Variants in IFT80 observed in about 807,000 individuals in gnomAD.
IFT80 encodes the protein intraflagellar transport protein 80 homolog.
In IFT80, 79 loss-of-function variants were observed where a neutral mutation model predicts 107.9. The observed-to-expected ratio is 0.73, with a 90% CI of 0.61 to 0.88. The LOEUF (loss-of-function observed/expected upper bound fraction) is 0.88. Among genes scored for constraint, IFT80 ranks in the 40% least tolerant of loss-of-function variants. The pLI is 0.00. For missense variants in IFT80, 797 were observed against 914.2 expected (o/e 0.87, Z 1.65); for synonymous variants, 299 against 300.9 (o/e 0.99, Z 0.07).
At chr3:160,315,157 G>C (rs1399382708) in intron 9 of IFT80, among the ~76,000 whole-genome samples, 2 of 151,244 alleles carry the variant, frequency 1.3e-5, no homozygotes, top group African/African-American at 4.9e-5. Context: ...GTTTAGATTA[G>C]AGCTCACTGA....
At position 160,257,666 on chromosome 3, in the gene IFT80, C is replaced by A. The variant is rs1712468480; in HGVS notation, c.*859G>T. 3 of 152,142 alleles carry A rather than the reference C, an allele frequency of 2.0e-5. No individual in the cohort carries two copies. The highest frequency in any genetic ancestry group is 4.1e-4 in the South Asian group (2 of 4,828). 9.4% of individuals were successfully genotyped at this position (152,142 alleles called of 1,614,324 possible). A position where few individuals can be genotyped will look rare whatever the true frequency, so the allele number is the denominator to read the frequency against. ...GGTACAATTTAGTGGCATTAACATT[C>A]AAAATGTTGAGCAACCATCATCGCT... On this transcript the variant is annotated 3_prime_UTR_variant, in exon 20 of 20. Coordinates refer to ENST00000326448, the MANE Select transcript of IFT80 (RefSeq NM_020800.3).
chr3:160,352,505 T>A (rs1399753662), intron 8 of IFT80, among the ~76,000 whole-genome samples: 1 of 152,180 alleles, frequency 6.6e-6, no homozygotes, highest in East Asian at 1.9e-4. Context: ...ATATCAAGCA[T>A]CTCACTAAGT....
intron 10 of IFT80, among the ~76,000 whole-genome samples, chr3:160,307,263 C>A (rs79268867): frequency 0.035 from 5,337 of 152,174 alleles, 330 homozygotes; most frequent in African/African-American, 0.12. Context: ...TCCTCTAGTA[C>A]CAGCCTCCTG....
Position 160,322,909 on chromosome 3 carries a change from T to G in IFT80, c.778-2970A>C, listed in dbSNP as rs1167130021. On this transcript the variant is annotated intron_variant, in intron 8 of 19. Coordinates refer to ENST00000326448, the MANE Select transcript of IFT80 (RefSeq NM_020800.3). ...TTTGTTTTTTTCTTGTAAATTTGTT[T>G]GAGTTCATTGTAGATTCTGGATATT... 3.9e-5 allele frequency among the ~76,000 whole-genome samples: 6 copies of G among 152,048 alleles called. No homozygotes were observed. The East Asian group carries it at 5.8e-4, about 15-fold the overall frequency.
chr3:160,390,192 CG>C (rs1713263839), intron 1 of IFT80, among the ~76,000 whole-genome samples: 1 of 151,812 alleles, frequency 6.6e-6, no homozygotes, highest in Non-Finnish European at 1.5e-5. Flanking sequence ...CCGAGGCGGG[CG>C]GATCAGCTGA....
chr3:160,297,179 C>G lies in IFT80; in HGVS notation c.1315+3704G>C, dbSNP rs115377388. Among the ~76,000 whole-genome samples the G allele has an allele frequency of 7.8e-3, 1,182 of 152,202 alleles. 22 individuals carry two copies. The highest frequency in any genetic ancestry group is 0.027 in the African/African-American group (1,133 of 41,532). On this transcript the variant is annotated intron_variant, in intron 12 of 19. Transcript: ENST00000326448. ...GCTGCCTCTGCCCCTTTCTCTGTTTCACCAAGGCTTCTCTTAGTCTCAATC... is the reference window on the plus strand; with the variant it reads ...GCTGCCTCTGCCCCTTTCTCTGTTTGACCAAGGCTTCTCTTAGTCTCAATC...
intron 7 of IFT80, 98 bp from the exon 8 acceptor site, chr3:160,356,248 A>G (rs1319792356): frequency 3.6e-5 from 37 of 1,039,692 alleles, no homozygotes; most frequent in Middle Eastern, 6.1e-4. Flanking sequence ...GTTTTATAAC[A>G]GACACCACAT....
At position 160,322,500 on chromosome 3, in the gene IFT80, G is replaced by A. The variant is rs145070198; in HGVS notation, c.778-2561C>T. ...GAATAGTGCTACAATCAATATACGT[G>A]TGCATGTGTCTTTATAACAGCATGA... On this transcript the variant is annotated intron_variant, in intron 8 of 19. Transcript: ENST00000326448. 1.3e-3 allele frequency among the ~76,000 whole-genome samples: 192 copies of A among 152,152 alleles called. 3 individuals carry two copies. In the East Asian group the frequency reaches 0.035, roughly 28 times the overall value.
chr3:160,375,288 C>A (rs1412314951), intron 5 of IFT80, among the ~76,000 whole-genome samples: 1 of 152,072 alleles, frequency 6.6e-6, no homozygotes, highest in Non-Finnish European at 1.5e-5. Context: ...CCACTCCTTT[C>A]TATTAACATA....
Position 160,369,500 on chromosome 3 carries a change from T to C in IFT80, c.440-3348A>G, listed in dbSNP as rs548690545. ...TAAAAGGAAATAAACTACATAGCTA[T>C]ACAACTTTCAATTTGGGTGGTTCTA... On this transcript the variant is annotated intron_variant, in intron 5 of 19. Coordinates refer to ENST00000326448, the MANE Select transcript of IFT80 (RefSeq NM_020800.3). 8.5e-5 allele frequency among the ~76,000 whole-genome samples: 13 copies of C among 152,082 alleles called. No homozygotes were observed. In the Middle Eastern group the frequency reaches 0.014, roughly 159 times the overall value.
At chr3:160,341,582 A>T (rs1719898680) in intron 8 of IFT80, among the ~76,000 whole-genome samples, 1 of 152,132 alleles carries the variant, frequency 6.6e-6, no homozygotes, top group Non-Finnish European at 1.5e-5. Context: ...TGAGCCAGTG[A>T]TCCCTTCCCT....
At position 160,258,395 on chromosome 3, in the gene IFT80, C is replaced by G. The variant is rs769437271; in HGVS notation, c.*130G>C. The G allele has an allele frequency of 5.4e-6, 6 of 1,107,538 alleles. No individual in the cohort carries two copies. Among genetic ancestry groups the G allele is most frequent in the African/African-American group, 1.6e-5 (1 of 63,732 alleles). The allele number at this position is 1,107,538 out of a possible 1,614,324, so 68.6% of individuals were successfully genotyped here. ...TCATCTTTCTGCATGTACTTTTACA[C>G]TAAATACACAGCAAGTACTTATACT... On this transcript the variant is annotated 3_prime_UTR_variant, in exon 20 of 20. Coordinates refer to ENST00000326448, the MANE Select transcript of IFT80 (RefSeq NM_020800.3).
At position 160,257,362 on chromosome 3, in the gene IFT80, A is replaced by T. The variant is rs1428033629; in HGVS notation, c.*1163T>A. On this transcript the variant is annotated 3_prime_UTR_variant, in exon 20 of 20. Coordinates refer to ENST00000326448, the MANE Select transcript of IFT80 (RefSeq NM_020800.3). ...TGCATCTATACCCACCCTATAATGT[A>T]CCATTTTCAGAAATGGGTTTGCAGA... 1 of 152,104 alleles carries T rather than the reference A, an allele frequency of 6.6e-6. No individual in the cohort carries two copies. The highest frequency in any genetic ancestry group is 1.9e-4 in the East Asian group (1 of 5,194). 9.4% of individuals were successfully genotyped at this position (152,104 alleles called of 1,614,324 possible).
chr3:160,312,794 AT>A (rs1717431703), intron 9 of IFT80, among the ~76,000 whole-genome samples: 1 of 46,146 alleles, frequency 2.2e-5, no homozygotes, highest in African/African-American at 8.4e-5. Context: ...TAATATATAT[AT>A]AATAAATGTA....
At chr3:160,324,251 A>T (rs535508602) in intron 8 of IFT80, among the ~76,000 whole-genome samples, 2 of 152,318 alleles carry the variant, frequency 1.3e-5, no homozygotes, top group East Asian at 3.9e-4. Flanking sequence ...TCAATAGAAA[A>T]AGAGGGAATC....
At chr3:160,264,623 G>C (rs1713143161) in intron 19 of IFT80, among the ~76,000 whole-genome samples, 1 of 139,806 alleles carries the variant, frequency 7.2e-6, no homozygotes, top group Admixed American at 7.2e-5. Context: ...TTTTTTGGTA[G>C]AGACAGGGTT....
chr3:160,259,339 C>T (rs778043292), intron 19 of IFT80, among the ~76,000 whole-genome samples: 1 of 152,056 alleles, frequency 6.6e-6, no homozygotes, highest in African/African-American at 2.4e-5. Context: ...GTCTTCCAAA[C>T]GAGGAAAAAG....
chr3:160,281,863 T>C (rs538809426), intron 14 of IFT80, among the ~76,000 whole-genome samples: 26 of 152,266 alleles, frequency 1.7e-4, no homozygotes, highest in Non-Finnish European at 2.9e-4. Context: ...GGGTTGCAAC[T>C]CCCCAGAAGC....
chr3:160,327,278 TC>T (rs1320932485), intron 8 of IFT80, among the ~76,000 whole-genome samples: 13 of 152,052 alleles, frequency 8.5e-5, no homozygotes, highest in African/African-American at 2.9e-4. Context: ...TAAATGCTAT[TC>T]CCATTAAACT....
Sources: gnomAD v4.1 joint callset for allele counts (sites outside exome capture counted in the v4.1 genomes callset) on GRCh38, gnomAD v4.1.1 for gene constraint, MANE v1.5 for transcripts, NCBI Gene and HGNC (gene_info 2026-07-23, HGNC 2026-07-21) for gene names.